The following SPATS2 variants were observed in gnomAD, a reference collection of about 807,000 sequenced individuals.
The protein encoded by SPATS2 is spermatogenesis associated serine rich 2, also known as spermatogenesis-associated serine-rich protein 2.
In SPATS2, 38 loss-of-function variants were observed where a neutral mutation model predicts 63.7. That is an observed-to-expected ratio of 0.60 (90% CI 0.46 to 0.78). The LOEUF (loss-of-function observed/expected upper bound fraction) is 0.78, where lower values mean the gene tolerates loss of function less well. Ranked by LOEUF, SPATS2 falls within the 30% of genes least tolerant of loss-of-function variation. The pLI, the probability that SPATS2 is intolerant of heterozygous loss-of-function variation, is 0.00. For missense variants in SPATS2, 588 were observed against 666.2 expected (o/e 0.88, Z 1.29); for synonymous variants, 207 against 232.9 (o/e 0.89, Z 1.01).
intron 6 of SPATS2, among the ~76,000 whole-genome samples, chr12:49,491,602 A>G (rs987062592): frequency 2.0e-5 from 3 of 152,128 alleles, no homozygotes; most frequent in Non-Finnish European, 4.4e-5. Flanking sequence ...TGAGAGGTAG[A>G]AAGCACTCAG....
At chr12:49,421,659 C>A (rs1373763215) in intron 2 of SPATS2, among the ~76,000 whole-genome samples, 1 of 152,068 alleles carries the variant, frequency 6.6e-6, no homozygotes, top group Non-Finnish European at 1.5e-5. Flanking sequence ...TCTGTGTTAT[C>A]ATTTTTGACA....
chr12:49,417,863 A>G (rs1944913825), intron 2 of SPATS2, among the ~76,000 whole-genome samples: 1 of 152,134 alleles, frequency 6.6e-6, no homozygotes, highest in Non-Finnish European at 1.5e-5. Context: ...GGGTAGAGGG[A>G]AAAAGTGTAT....
intron 2 of SPATS2, among the ~76,000 whole-genome samples, chr12:49,395,426 ATT>A (rs111978343): frequency 3.3e-4 from 47 of 140,644 alleles, no homozygotes; most frequent in South Asian, 6.8e-4. Flanking sequence ...TGTTTTTCAG[ATT>A]TTTTTTTTTT....
intron 2 of SPATS2, among the ~76,000 whole-genome samples, chr12:49,455,725 C>T (rs1945708688): frequency 6.6e-6 from 1 of 152,172 alleles, no homozygotes; most frequent in South Asian, 2.1e-4. Flanking sequence ...GGGCTCAAGC[C>T]ATCCTCCCAC....
At chr12:49,524,640 G>A in intron 12 of SPATS2, 42 bp from the exon 13 acceptor site, 2 of 1,593,034 alleles carry the variant, frequency 1.3e-6, no homozygotes, top group South Asian at 2.2e-5. Flanking sequence ...CCATTGTGCT[G>A]TTCTATCATA....
At chr12:49,453,228 A>G (rs1252850878) in intron 2 of SPATS2, among the ~76,000 whole-genome samples, 1 of 151,184 alleles carries the variant, frequency 6.6e-6, no homozygotes, top group Non-Finnish European at 1.5e-5. Flanking sequence ...ACTCGGGGGC[A>G]TTTCCAACTC....
intron 2 of SPATS2, among the ~76,000 whole-genome samples, chr12:49,411,275 A>G (rs905855822): frequency 1.3e-5 from 2 of 152,172 alleles, no homozygotes; most frequent in Admixed American, 1.3e-4. Flanking sequence ...ATCTCAGGAC[A>G]CATCAAAGAG....
intron 2 of SPATS2, among the ~76,000 whole-genome samples, chr12:49,446,791 G>A (rs773386183): frequency 1.3e-5 from 2 of 152,186 alleles, no homozygotes; most frequent in Non-Finnish European, 2.9e-5. Flanking sequence ...CATCTGCAAA[G>A]TCCCTTCGTA....
chr12:49,389,978 T>C, intron 2 of SPATS2: 1 of 831,336 alleles, frequency 1.2e-6, no homozygotes, highest in Non-Finnish European at 2.1e-6. Flanking sequence ...GCCATTGAAA[T>C]TGACAAGCAA....
intron 2 of SPATS2, among the ~76,000 whole-genome samples, chr12:49,439,102 T>G (rs1042355183): frequency 6.6e-6 from 1 of 152,154 alleles, no homozygotes; most frequent in Non-Finnish European, 1.5e-5. Flanking sequence ...GGAGATGACA[T>G]TTGAACAAAG....
At chr12:49,460,079 G>A (rs900173380) in intron 2 of SPATS2, among the ~76,000 whole-genome samples, 1 of 150,918 alleles carries the variant, frequency 6.6e-6, no homozygotes, top group Admixed American at 6.6e-5. Flanking sequence ...TTGCACTTCA[G>A]CCTGGGCAAC....
chr12:49,430,675 G>T (rs952328873), intron 2 of SPATS2, among the ~76,000 whole-genome samples: 1 of 151,950 alleles, frequency 6.6e-6, no homozygotes, highest in Non-Finnish European at 1.5e-5. Flanking sequence ...TTTCAGCTTT[G>T]ATTTAATTTA....
At chr12:49,491,034 C>A (rs1378626975) in intron 6 of SPATS2, 3 of 209,874 alleles carry the variant, frequency 1.4e-5, no homozygotes, top group Non-Finnish European at 2.9e-5. Flanking sequence ...ATCCCAGTTA[C>A]TCAGGAGGGT....
intron 11 of SPATS2, among the ~76,000 whole-genome samples, chr12:49,520,483 TCA>T (rs1476634863): frequency 1.3e-5 from 2 of 152,116 alleles, no homozygotes; most frequent in Non-Finnish European, 2.9e-5. Flanking sequence ...TTCTGTGGTT[TCA>T]GAGCGTAGTT....
At chr12:49,494,449 A>T (rs1375647103) in intron 6 of SPATS2, among the ~76,000 whole-genome samples, 1 of 152,074 alleles carries the variant, frequency 6.6e-6, no homozygotes, top group East Asian at 1.9e-4. Context: ...TATAAGCTGC[A>T]CATATTTTTT....
chr12:49,478,103 T>C (rs920892159), intron 3 of SPATS2, among the ~76,000 whole-genome samples: 2 of 151,520 alleles, frequency 1.3e-5, no homozygotes, highest in African/African-American at 2.4e-5. Context: ...GCCTCCCAAC[T>C]AGTTAGGACT....
intron 2 of SPATS2, among the ~76,000 whole-genome samples, chr12:49,403,210 G>A (rs987032035): frequency 2.6e-5 from 4 of 152,184 alleles, no homozygotes; most frequent in East Asian, 1.9e-4. Context: ...CAGAGTGGAC[G>A]TTCCCTTTAC....
At chr12:49,369,890 G>A (rs1943968677) in intron 1 of SPATS2, among the ~76,000 whole-genome samples, 1 of 152,184 alleles carries the variant, frequency 6.6e-6, no homozygotes, top group Non-Finnish European at 1.5e-5. Context: ...AAACTGCTCA[G>A]TACTCAGGTG....
At chr12:49,413,308 ATC>A (rs1269325897) in intron 2 of SPATS2, among the ~76,000 whole-genome samples, 1 of 152,058 alleles carries the variant, frequency 6.6e-6, no homozygotes, top group African/African-American at 2.4e-5. Flanking sequence ...CGCCTTGGAC[ATC>A]TCTCTCTATT....
Sources: gnomAD v4.1 joint callset for allele counts (sites outside exome capture counted in the v4.1 genomes callset) on GRCh38, gnomAD v4.1.1 for gene constraint, MANE v1.5 for transcripts, NCBI Gene and HGNC (gene_info 2026-07-23, HGNC 2026-07-21) for gene names.